ZNF521: variants seen among roughly 807,000 people sequenced by gnomAD.
ZNF521 encodes the protein LYST-interacting protein 3.
In ZNF521, 14 loss-of-function variants were observed where a neutral mutation model predicts 105.5. That is an observed-to-expected ratio of 0.13 (90% confidence interval 0.09 to 0.21). The LOEUF is 0.21. Among genes scored for constraint, ZNF521 ranks in the 10% least tolerant of loss-of-function variants. ZNF521 has a pLI of 1.00. For missense variants in ZNF521, 1,233 were observed against 1,629.7 expected, an observed-to-expected ratio of 0.76 and a Z score of 4.19; for synonymous variants, 635 against 606.0, an observed-to-expected ratio of 1.05 and a Z score of -0.70.
At chr18:25,195,307 A>T in intron 4 of ZNF521, 63 bp from the exon 5 acceptor site, 2 of 1,338,322 alleles carry the variant, frequency 1.5e-6, no homozygotes, top group Non-Finnish European at 2.1e-6. Flanking sequence ...TTCTTTGTTT[A>T]AAAAACATTT....
chr18:25,269,879 A>T (rs1256162927), intron 3 of ZNF521, among the ~76,000 whole-genome samples: 1 of 152,222 alleles, frequency 6.6e-6, no homozygotes, highest in Admixed American at 6.5e-5. Context: ...CAATTAAAAG[A>T]TGTAGAGAAA....
intron 3 of ZNF521, among the ~76,000 whole-genome samples, chr18:25,295,702 T>G (rs1911285931): frequency 6.6e-6 from 1 of 152,162 alleles, no homozygotes. Flanking sequence ...CAGTTTATTC[T>G]GTGTACCAGA....
chr18:25,156,073 A>G (rs1242243001), intron 5 of ZNF521, among the ~76,000 whole-genome samples: 1 of 152,214 alleles, frequency 6.6e-6, no homozygotes, highest in African/African-American at 2.4e-5. Flanking sequence ...TGTACTCAGA[A>G]TTTTTGCTAA....
intron 7 of ZNF521, among the ~76,000 whole-genome samples, chr18:25,066,656 G>A (rs920564572): frequency 6.6e-6 from 1 of 152,264 alleles, no homozygotes; most frequent in Non-Finnish European, 1.5e-5. Flanking sequence ...CAGCAGAAGC[G>A]CCAAGCAAAG....
intron 5 of ZNF521, among the ~76,000 whole-genome samples, chr18:25,193,997 T>C (rs1032430673): frequency 7.9e-5 from 12 of 151,894 alleles, no homozygotes; most frequent in African/African-American, 2.9e-4. Context: ...TGCTTTTGAA[T>C]TTATCTTCAT....
chr18:25,278,377 A>C (rs1910166899), intron 3 of ZNF521, among the ~76,000 whole-genome samples: 1 of 151,782 alleles, frequency 6.6e-6, no homozygotes, highest in Non-Finnish European at 1.5e-5. Context: ...GTTAACCCCC[A>C]CTCTCTACCC....
chr18:25,171,294 T>C (rs1490341469), intron 5 of ZNF521, among the ~76,000 whole-genome samples: 1 of 152,174 alleles, frequency 6.6e-6, no homozygotes, highest in Non-Finnish European at 1.5e-5. Flanking sequence ...GATTCCCTTT[T>C]GTATAAAAAG....
At chr18:25,263,429 C>T (rs889170890) in intron 3 of ZNF521, among the ~76,000 whole-genome samples, 14 of 152,108 alleles carry the variant, frequency 9.2e-5, no homozygotes, top group Admixed American at 3.9e-4. Context: ...ACGATCTTGG[C>T]TCACTGCAAC....
intron 5 of ZNF521, among the ~76,000 whole-genome samples, chr18:25,170,687 G>A (rs557803467): frequency 3.9e-5 from 6 of 152,204 alleles, no homozygotes; most frequent in South Asian, 2.1e-4. Context: ...AATCGTAGCC[G>A]TGTAACATAA....
chr18:25,115,762 G>T (rs1320845694), intron 5 of ZNF521, among the ~76,000 whole-genome samples: 1 of 152,156 alleles, frequency 6.6e-6, no homozygotes, highest in Non-Finnish European at 1.5e-5. Flanking sequence ...GAATGTTCAA[G>T]CCCCAATCTC....
intron 5 of ZNF521, among the ~76,000 whole-genome samples, chr18:25,172,407 C>T (rs2035464364): frequency 6.6e-6 from 1 of 152,102 alleles, no homozygotes; most frequent in South Asian, 2.1e-4. Flanking sequence ...TGAGATAGTC[C>T]AGTCGAGTCC....
chr18:25,318,468 C>A (rs1912760137), intron 3 of ZNF521, among the ~76,000 whole-genome samples: 2 of 152,094 alleles, frequency 1.3e-5, no homozygotes, highest in South Asian at 4.1e-4. Context: ...GTAAATGTGG[C>A]ACTAAAAATT....
At chr18:25,093,152 T>C (rs546401782) in intron 5 of ZNF521, among the ~76,000 whole-genome samples, 42 of 152,276 alleles carry the variant, frequency 2.8e-4, no homozygotes, top group Non-Finnish European at 5.1e-4. Flanking sequence ...AACTTTGCTC[T>C]GAGTCACAAG....
intron 5 of ZNF521, among the ~76,000 whole-genome samples, chr18:25,117,072 C>T (rs2034340133): frequency 2.5e-4 from 4 of 15,800 alleles, no homozygotes; most frequent in Non-Finnish European, 6.2e-4. Flanking sequence ...CACACACACA[C>T]ACACACACAC....
intron 3 of ZNF521, among the ~76,000 whole-genome samples, chr18:25,263,858 A>G (rs1283848868): frequency 6.6e-6 from 1 of 152,214 alleles, no homozygotes; most frequent in Non-Finnish European, 1.5e-5. Flanking sequence ...GATTACAGGC[A>G]TAAGCCACAG....
chr18:25,187,560 A>C (rs2035748081), intron 5 of ZNF521, among the ~76,000 whole-genome samples: 1 of 152,164 alleles, frequency 6.6e-6, no homozygotes, highest in South Asian at 2.1e-4. Flanking sequence ...ATACACAAAC[A>C]TTTCAATGGC....
intron 4 of ZNF521, among the ~76,000 whole-genome samples, chr18:25,220,223 C>T (rs901951939): frequency 2.0e-5 from 3 of 152,210 alleles, no homozygotes; most frequent in African/African-American, 7.2e-5. Flanking sequence ...GTGACAAGTG[C>T]TTAGAGACAA....
At chr18:25,185,324 C>G (rs367594134) in intron 5 of ZNF521, among the ~76,000 whole-genome samples, 2 of 152,018 alleles carry the variant, frequency 1.3e-5, no homozygotes, top group South Asian at 2.1e-4. Flanking sequence ...AAAGAGGCAT[C>G]GATAAAGAAC....
chr18:25,205,558 T>C (rs1269723155), intron 4 of ZNF521, among the ~76,000 whole-genome samples: 2 of 152,128 alleles, frequency 1.3e-5, no homozygotes, highest in Admixed American at 6.6e-5. Context: ...CTGGTAGATA[T>C]CAAGGATGGA....
Sources: gnomAD v4.1 joint callset for allele counts (sites outside exome capture counted in the v4.1 genomes callset) on GRCh38, gnomAD v4.1.1 for gene constraint, MANE v1.5 for transcripts, NCBI Gene and HGNC (gene_info 2026-07-23, HGNC 2026-07-21) for gene names.